MYO1D: variants seen among roughly 807,000 people sequenced by gnomAD.
MYO1D encodes myosin ID, also known as unconventional myosin-Id.
In MYO1D, 83 loss-of-function variants were observed where a neutral mutation model predicts 122.0. The ratio of observed to expected loss-of-function variants is 0.68; its 90% CI spans 0.57 to 0.82. The LOEUF is 0.82. Among genes scored for constraint, MYO1D ranks in the 40% least tolerant of loss-of-function variants. MYO1D has a pLI of 0.00. For synonymous variants in MYO1D, 464 were observed against 446.9 expected (o/e 1.04, Z -0.48); for missense variants, 1,157 against 1,269.5 (o/e 0.91, Z 1.35).
intron 1 of MYO1D, among the ~76,000 whole-genome samples, chr17:32,809,530 C>T (rs892101179): frequency 6.6e-6 from 1 of 151,072 alleles, no homozygotes; most frequent in African/African-American, 2.4e-5. Context: ...CCTCCACTTG[C>T]TGGGTTCACA....
intron 10 of MYO1D, chr17:32,756,373 A>G (rs933283187): frequency 9.5e-6 from 2 of 210,894 alleles, no homozygotes; most frequent in African/African-American, 4.5e-5. Flanking sequence ...TCTTTTAAAC[A>G]GCCTTACTCT....
At chr17:32,577,275 G>A (rs1300001031) in intron 21 of MYO1D, among the ~76,000 whole-genome samples, 1 of 151,384 alleles carries the variant, frequency 6.6e-6, no homozygotes, top group East Asian at 1.9e-4. Flanking sequence ...AAAGCATGAG[G>A]TACCGTACCC....
At chr17:32,872,055 T>TA (rs1324647593) in intron 1 of MYO1D, among the ~76,000 whole-genome samples, 1 of 152,158 alleles carries the variant, frequency 6.6e-6, no homozygotes, top group Non-Finnish European at 1.5e-5. Flanking sequence ...ACAGAGGTCT[T>TA]ACGCCTGAGC....
At chr17:32,642,555 A>G (rs893307598) in intron 19 of MYO1D, among the ~76,000 whole-genome samples, 1 of 152,146 alleles carries the variant, frequency 6.6e-6, no homozygotes, top group Non-Finnish European at 1.5e-5. Context: ...GATTCTTCCT[A>G]TCCATGAGCA....
intron 21 of MYO1D, among the ~76,000 whole-genome samples, chr17:32,505,956 C>T (rs866256429): frequency 2.6e-5 from 4 of 152,176 alleles, no homozygotes; most frequent in East Asian, 1.9e-4. Flanking sequence ...AGGTCGCTCA[C>T]GCCTGTAATC....
intron 16 of MYO1D, among the ~76,000 whole-genome samples, chr17:32,705,266 TC>T (rs1393985524): frequency 1.3e-5 from 2 of 152,064 alleles, no homozygotes; most frequent in African/African-American, 4.8e-5. Flanking sequence ...TATCTGTAAT[TC>T]TTTTTTTTTT....
intron 21 of MYO1D, among the ~76,000 whole-genome samples, chr17:32,583,848 G>C (rs1443554135): frequency 1.3e-5 from 2 of 151,586 alleles, no homozygotes; most frequent in African/African-American, 4.9e-5. Flanking sequence ...CAAGTGATCT[G>C]CCCGCCCCAA....
intron 19 of MYO1D, among the ~76,000 whole-genome samples, chr17:32,647,651 T>G (rs553894532): frequency 6.6e-6 from 1 of 152,062 alleles, no homozygotes; most frequent in East Asian, 1.9e-4. Context: ...GGTACATTCC[T>G]TTGTTATATT....
At chr17:32,713,543 C>T (rs907626544) in intron 15 of MYO1D, among the ~76,000 whole-genome samples, 1 of 151,992 alleles carries the variant, frequency 6.6e-6, no homozygotes, top group Non-Finnish European at 1.5e-5. Context: ...TTTTACAGTT[C>T]CAGGCAAAAA....
chr17:32,524,771 T>C (rs373956531), intron 21 of MYO1D, among the ~76,000 whole-genome samples: 177 of 152,200 alleles, frequency 1.2e-3, no homozygotes, highest in Middle Eastern at 6.8e-3. Context: ...CCATGTTGGT[T>C]AGGCTGGTCT....
At chr17:32,683,444 T>C (rs2088952797) in intron 16 of MYO1D, among the ~76,000 whole-genome samples, 1 of 152,228 alleles carries the variant, frequency 6.6e-6, no homozygotes, top group South Asian at 2.1e-4. Flanking sequence ...ATGTCCTTTC[T>C]GTTTGTTAAG....
intron 14 of MYO1D, among the ~76,000 whole-genome samples, chr17:32,723,384 A>T (rs2089534618): frequency 6.6e-6 from 1 of 152,130 alleles, no homozygotes; most frequent in Non-Finnish European, 1.5e-5. Context: ...GAATTGTAGG[A>T]CACTTAGCTG....
chr17:32,725,192 A>C (rs1274213893), intron 14 of MYO1D, among the ~76,000 whole-genome samples: 1 of 152,146 alleles, frequency 6.6e-6, no homozygotes, highest in Non-Finnish European at 1.5e-5. Flanking sequence ...GGAAATTAAG[A>C]ACTCAGTGGA....
chr17:32,541,719 C>T (rs954242876), intron 21 of MYO1D, among the ~76,000 whole-genome samples: 1 of 152,132 alleles, frequency 6.6e-6, no homozygotes, highest in South Asian at 2.1e-4. Context: ...GGACCTGGCA[C>T]GCAGTAGGTA....
intron 21 of MYO1D, among the ~76,000 whole-genome samples, chr17:32,515,993 C>T (rs1394216163): frequency 6.6e-6 from 1 of 152,234 alleles, no homozygotes; most frequent in East Asian, 1.9e-4. Flanking sequence ...CCGATACACA[C>T]TTTCATGCTG....
At chr17:32,840,480 T>A (rs995682167) in intron 1 of MYO1D, among the ~76,000 whole-genome samples, 2 of 152,154 alleles carry the variant, frequency 1.3e-5, no homozygotes, top group Non-Finnish European at 2.9e-5. Flanking sequence ...ATGGGCAGTA[T>A]TTATATTACC....
intron 21 of MYO1D, chr17:32,528,933 G>A (rs192524408): frequency 1.3e-5 from 2 of 152,378 alleles, no homozygotes; most frequent in Admixed American, 6.5e-5. Flanking sequence ...AAAAAAACAT[G>A]TCTGTGGTTT....
At position 32,659,216 on chromosome 17, in the gene MYO1D, A is replaced by G; in HGVS notation, c.2244T>C (p.His748=). 6.2e-7 allele frequency: 1 copy of G among 1,614,228 alleles called. No homozygotes were observed. ...CGTAGTCTCGCATGGTCTTGACGCC[A>G]TGGAAGCGTCTGGCCACCTCGTGGA... ...SYIHEVARRF[H]GVKTMRDYGK... The change falls in exon 17 of 22, where the codon CAT becomes CAC. Residue 748 remains histidine (H), a synonymous_variant. Coordinates refer to ENST00000318217, the MANE Select transcript of MYO1D (RefSeq NM_015194.3).
At chr17:32,745,467 T>G in intron 12 of MYO1D, 182 bp from the exon 13 acceptor site, 1 of 519,852 alleles carries the variant, frequency 1.9e-6, no homozygotes. Context: ...AGAAGGGAAT[T>G]TTCATCAGTA....
Sources: gnomAD v4.1 joint callset for allele counts (sites outside exome capture counted in the v4.1 genomes callset) on GRCh38, gnomAD v4.1.1 for gene constraint, MANE v1.5 for transcripts, NCBI Gene and HGNC (gene_info 2026-07-23, HGNC 2026-07-21) for gene names.